PCSK5: variants seen among roughly 807,000 people sequenced by gnomAD.
PCSK5 encodes proprotein convertase subtilisin/kexin type 5.
PCSK5 carries 129 observed loss-of-function variants against 233.2 expected under a neutral mutation model. That is an observed-to-expected ratio of 0.55 (90% CI 0.48 to 0.64). The LOEUF is 0.64. PCSK5 is among the 30% of genes least tolerant of loss of function. The pLI, the probability that PCSK5 is intolerant of heterozygous loss-of-function variation, is 0.00. For synonymous variants in PCSK5, 825 were observed against 879.2 expected, an observed-to-expected ratio of 0.94 and a Z score of 1.09; for missense variants, 2,076 against 2,430.1, an observed-to-expected ratio of 0.85 and a Z score of 3.06.
At chr9:75,990,206 G>C (rs1434196620) in intron 3 of PCSK5, among the ~76,000 whole-genome samples, 1 of 152,170 alleles carries the variant, frequency 6.6e-6, no homozygotes, top group African/African-American at 2.4e-5. Flanking sequence ...CTGCTGCAGT[G>C]TTTCTGACCT....
At chr9:76,068,149 T>C in intron 6 of PCSK5, 106 bp downstream of exon 6, 2 of 761,086 alleles carry the variant, frequency 2.6e-6, no homozygotes, top group Non-Finnish European at 4.6e-6. Flanking sequence ...TGGGCATATC[T>C]CTACCTAATA....
intron 1 of PCSK5, among the ~76,000 whole-genome samples, chr9:75,911,511 G>A (rs563535879): frequency 2.5e-4 from 38 of 152,210 alleles, no homozygotes; most frequent in Non-Finnish European, 4.4e-4. Flanking sequence ...TGATCCCTTC[G>A]TTCTTGGAAC....
intron 15 of PCSK5, among the ~76,000 whole-genome samples, chr9:76,180,782 CCT>C (rs1410077560): frequency 6.6e-6 from 1 of 152,180 alleles, no homozygotes; most frequent in African/African-American, 2.4e-5. Context: ...TATCTCCCAG[CCT>C]CTGTTATCTC....
rs1830419285 is a variant in PCSK5 at position 76,360,825 on chromosome 9, T to G, written c.*1903T>G. The G allele has an allele frequency of 6.6e-6, 1 of 152,194 alleles. No individual in the cohort carries two copies. The highest frequency in any genetic ancestry group is 1.5e-5 in the Non-Finnish European group (1 of 68,038). 9.4% of individuals were successfully genotyped at this position (152,194 alleles called of 1,614,324 possible). A position where few individuals can be genotyped will look rare whatever the true frequency, so the allele number is the denominator to read the frequency against. ...TATTTATGGACACTGACATTTGAAA[T>G]TCAGGTAATTTTCACATATTATAAA... On this transcript the variant is annotated 3_prime_UTR_variant, in exon 38 of 38. Transcript: ENST00000674117.
In PCSK5 at chr9:76,096,012, A is replaced by C. The variant is rs774161426; in HGVS notation, c.1017A>C (p.Ala339=). ...ACACCATCTCCATCAGCAGCACTGC[A>C]GAAAGCGGAAAGAAACCTTGGTACC... ...SIYTISISST[A]ESGKKPWYLE... The change falls in exon 8 of 38, where the codon GCA becomes GCC. Residue 339 remains alanine (A), a synonymous_variant. Coordinates refer to ENST00000674117, the MANE Select transcript of PCSK5 (RefSeq NM_001372043.1). 6.2e-7 allele frequency: 1 copy of C among 1,614,184 alleles called. No homozygotes were observed. The highest frequency in any genetic ancestry group is 1.3e-5 in the African/African-American group (1 of 75,042).
intron 8 of PCSK5, among the ~76,000 whole-genome samples, chr9:76,100,822 T>C (rs757858869): frequency 1.3e-5 from 2 of 152,142 alleles, no homozygotes; most frequent in Non-Finnish European, 2.9e-5. Flanking sequence ...TCAAGCTGAG[T>C]TGCTAGTTCC....
chr9:76,065,919 G>A (rs1419895281), intron 5 of PCSK5, among the ~76,000 whole-genome samples: 1 of 152,106 alleles, frequency 6.6e-6, no homozygotes, highest in African/African-American at 2.4e-5. Flanking sequence ...TCTTTCCCCA[G>A]TATATGTTCT....
At chr9:76,240,900 A>C (rs990434586) in intron 24 of PCSK5, among the ~76,000 whole-genome samples, 3 of 152,014 alleles carry the variant, frequency 2.0e-5, no homozygotes, top group Non-Finnish European at 4.4e-5. Flanking sequence ...TCTTTATGAA[A>C]CTCAAGTTTA....
rs186971988 is a variant in PCSK5 at position 76,150,942 on chromosome 9, C to A, written c.1313-6103C>A. On this transcript the variant is annotated intron_variant, in intron 10 of 37. Coordinates refer to ENST00000674117, the MANE Select transcript of PCSK5 (RefSeq NM_001372043.1). Reference sequence around the variant, plus strand: ...GACATGAGACTGAAAAGTATCACTTCCCACTTTTTCTTTCTTCCGTAGGAA... The same window carrying A: ...GACATGAGACTGAAAAGTATCACTTACCACTTTTTCTTTCTTCCGTAGGAA... 5.9e-5 allele frequency among the ~76,000 whole-genome samples: 9 copies of A among 152,054 alleles called. No homozygotes were observed. In the East Asian group the frequency reaches 1.7e-3, roughly 29 times the overall value.
intron 24 of PCSK5, 122 bp from the exon 25 acceptor site, chr9:76,292,111 G>T (rs1828294734): frequency 4.5e-6 from 3 of 667,472 alleles, no homozygotes; most frequent in South Asian, 3.7e-5. Flanking sequence ...ATTATTTCTG[G>T]ACAGTACATT....
chr9:76,072,920 C>T (rs1221456252), intron 7 of PCSK5, among the ~76,000 whole-genome samples: 1 of 152,158 alleles, frequency 6.6e-6, no homozygotes, highest in Non-Finnish European at 1.5e-5. Context: ...TTCTTACTAG[C>T]GTTACATAGA....
intron 30 of PCSK5, among the ~76,000 whole-genome samples, chr9:76,319,961 C>G (rs555204805): frequency 6.6e-6 from 1 of 152,182 alleles, no homozygotes; most frequent in South Asian, 2.1e-4. Context: ...GCCCCCTATC[C>G]TGTAATCACG....
At position 76,059,799 on chromosome 9, in the gene PCSK5, A is replaced by AT. The variant is rs1156396406; in HGVS notation, c.633-8150dup. 2.6e-5 allele frequency among the ~76,000 whole-genome samples: 4 copies of AT among 152,218 alleles called. No homozygotes were observed. The East Asian group carries it at 7.7e-4, about 29-fold the overall frequency. On this transcript the variant is annotated intron_variant, in intron 5 of 37. Transcript: ENST00000674117. Reference sequence around the variant, plus strand: ...TTCTAAAAAATTATAAATGTTTCAAATTTTTTATCCTACAGGATAAAAAAA... The same window carrying AT: ...TTCTAAAAAATTATAAATGTTTCAAATTTTTTTATCCTACAGGATAAAAAAA...
At chr9:76,307,832 G>GAA (rs544292190) in intron 28 of PCSK5, among the ~76,000 whole-genome samples, 10 of 146,062 alleles carry the variant, frequency 6.8e-5, no homozygotes, top group Middle Eastern at 3.4e-3. Context: ...AACAAAAACA[G>GAA]AAAAAAAAAA....
At chr9:76,024,575 G>A (rs1828338065) in intron 4 of PCSK5, among the ~76,000 whole-genome samples, 1 of 152,198 alleles carries the variant, frequency 6.6e-6, no homozygotes, top group Non-Finnish European at 1.5e-5. Flanking sequence ...CAGCAGAGAT[G>A]TCTTTCTTGT....
In PCSK5 at chr9:76,361,529, C is replaced by T. The variant is rs1830432167; in HGVS notation, c.*2607C>T. On this transcript the variant is annotated 3_prime_UTR_variant, in exon 38 of 38. Transcript: ENST00000674117. ...AGCCTTGGACAACATAGTGAGACTC[C>T]CGTGTCTACAAAAAATTTAAAAATT... 6.6e-6 allele frequency: 1 copy of T among 151,876 alleles called. No individual in the cohort carries two copies. The highest frequency in any genetic ancestry group is 2.4e-5 in the African/African-American group (1 of 41,336). 9.4% of individuals were successfully genotyped at this position (151,876 alleles called of 1,614,324 possible). A position where few individuals can be genotyped will look rare whatever the true frequency, so the allele number is the denominator to read the frequency against.
At chr9:75,903,635 T>C (rs969469380) in intron 1 of PCSK5, among the ~76,000 whole-genome samples, 4 of 144,210 alleles carry the variant, frequency 2.8e-5, no homozygotes, top group Non-Finnish European at 1.5e-5. Flanking sequence ...AAAATAAGTA[T>C]TTAAGGGATG....
chr9:75,905,060 A>G (rs1450679405), intron 1 of PCSK5, among the ~76,000 whole-genome samples: 3 of 152,200 alleles, frequency 2.0e-5, no homozygotes, highest in African/African-American at 7.2e-5. Context: ...AGGCCACATT[A>G]TTGTATCATT....
chr9:76,347,617 G>T (rs1197755023), intron 35 of PCSK5, among the ~76,000 whole-genome samples: 1 of 152,050 alleles, frequency 6.6e-6, no homozygotes, highest in African/African-American at 2.4e-5. Flanking sequence ...TTGGCCAGGT[G>T]CAGTGGCTCA....
Sources: allele counts gnomAD v4.1 joint callset (sites outside exome capture counted in the v4.1 genomes callset), GRCh38; gene constraint gnomAD v4.1.1; transcripts MANE v1.5; gene names NCBI Gene and HGNC (gene_info 2026-07-23, HGNC 2026-07-21).